PPARGC1A: variants seen among roughly 807,000 people sequenced by gnomAD.
The protein encoded by PPARGC1A is peroxisome proliferator-activated receptor gamma coactivator 1-alpha.
In PPARGC1A, 25 loss-of-function variants were observed where a neutral mutation model predicts 88.7. The ratio of observed to expected loss-of-function variants is 0.28; its 90% CI spans 0.21 to 0.39. The LOEUF is 0.39. PPARGC1A is among the 10% of genes least tolerant of loss of function. The pLI is 1.00. For synonymous variants in PPARGC1A, 363 were observed against 355.6 expected (o/e 1.02, Z -0.24); for missense variants, 880 against 968.7 (o/e 0.91, Z 1.22).
At chr4:24,021,904 G>A in the PPARGC1A span, among the ~76,000 whole-genome samples, 1 of 152,344 alleles carries the variant, frequency 6.6e-6, no homozygotes, top group Admixed American at 6.5e-5. Context: ...GCAGAATGGA[G>A]CAGAGAGGTC....
intron 10 of PPARGC1A, among the ~76,000 whole-genome samples, chr4:23,808,250 C>CAAAAAAAAAAAAAA: frequency 1.1e-5 from 1 of 93,830 alleles, no homozygotes; most frequent in South Asian, 3.8e-4. Context: ...GACTCCATCT[C>CAAAAAAAAAAAAAA]AAAAAAAAAA....
chr4:24,207,066 C>T, the PPARGC1A span, among the ~76,000 whole-genome samples: 2 of 151,872 alleles, frequency 1.3e-5, no homozygotes, highest in Admixed American at 6.6e-5. Context: ...ACTAGTCTTG[C>T]TCTCAAATTT....
Position 23,828,380 on chromosome 4 carries a change from C to A in PPARGC1A, c.757+20G>T, listed in dbSNP as rs966162811. Reference sequence around the variant, plus strand: ...GCTTCCAGTGCCCTCACCAACAGCTCGTTTTGGTCCCCAGCCTACCTTGTA... The same window carrying A: ...GCTTCCAGTGCCCTCACCAACAGCTAGTTTTGGTCCCCAGCCTACCTTGTA... On this transcript the variant is annotated intron_variant, in intron 5 of 12. Coordinates refer to ENST00000264867, the MANE Select transcript of PPARGC1A (RefSeq NM_013261.5). 1 of 1,601,128 alleles carries A rather than the reference C, an allele frequency of 6.2e-7. No homozygotes were observed. Among genetic ancestry groups the A allele is most frequent in the South Asian group, 1.1e-5 (1 of 90,810 alleles).
intron 12 of PPARGC1A, 49 bp downstream of exon 12, chr4:23,801,681 T>G: frequency 2.5e-6 from 4 of 1,599,074 alleles, no homozygotes; most frequent in Non-Finnish European, 3.4e-6. Context: ...GTTCCCATCT[T>G]GAGCTCTACA....
the PPARGC1A span, among the ~76,000 whole-genome samples, chr4:24,123,094 C>T: frequency 2.6e-5 from 4 of 152,158 alleles, no homozygotes; most frequent in Non-Finnish European, 5.9e-5. Flanking sequence ...TAGGTCCCCA[C>T]TTGTCAAGTA....
chr4:24,035,772 T>C, the PPARGC1A span, among the ~76,000 whole-genome samples: 1 of 152,148 alleles, frequency 6.6e-6, no homozygotes, highest in Non-Finnish European at 1.5e-5. Flanking sequence ...CTGGCGTTTA[T>C]ATAGATGCAA....
chr4:24,235,944 T>C, the PPARGC1A span, among the ~76,000 whole-genome samples: 1 of 152,104 alleles, frequency 6.6e-6, no homozygotes. Context: ...CAGAGGTGTG[T>C]TTTCCTTCAT....
the PPARGC1A span, among the ~76,000 whole-genome samples, chr4:24,037,375 G>A: frequency 1.3e-5 from 2 of 152,114 alleles, no homozygotes; most frequent in Admixed American, 6.6e-5. Flanking sequence ...GAATTTTACA[G>A]TCATTAATTA....
At chr4:24,468,725 T>C in the PPARGC1A span, among the ~76,000 whole-genome samples, 2 of 152,192 alleles carry the variant, frequency 1.3e-5, no homozygotes, top group Non-Finnish European at 2.9e-5. Context: ...ACACCCTCAT[T>C]GTTTCCAATT....
At chr4:23,907,064 C>T (rs1720130096), upstream of PPARGC1A, among the ~76,000 whole-genome samples, 1 of 152,166 alleles carries the variant, frequency 6.6e-6, no homozygotes, top group African/African-American at 2.4e-5. Context: ...AAGTAAATGG[C>T]CCAGAACACA....
chr4:23,952,607 T>C, the PPARGC1A span, among the ~76,000 whole-genome samples: 1 of 152,116 alleles, frequency 6.6e-6, no homozygotes, highest in Admixed American at 6.6e-5. Context: ...AGTCCAGAGA[T>C]ATATCCAGGT....
chr4:23,820,205 T>G (rs1430554640), intron 7 of PPARGC1A, among the ~76,000 whole-genome samples: 1 of 152,032 alleles, frequency 6.6e-6, no homozygotes, highest in Non-Finnish European at 1.5e-5. Flanking sequence ...ATAAATAACA[T>G]CAAATCACAT....
the PPARGC1A span, among the ~76,000 whole-genome samples, chr4:23,943,408 T>C: frequency 6.9e-6 from 1 of 145,134 alleles, no homozygotes; most frequent in East Asian, 2.1e-4. Context: ...TCTAAATACA[T>C]ACCCCTTGGC....
the PPARGC1A span, among the ~76,000 whole-genome samples, chr4:24,468,943 G>C: frequency 6.6e-6 from 1 of 151,418 alleles, no homozygotes; most frequent in Non-Finnish European, 1.5e-5. Context: ...TAGATGTTGA[G>C]AGCACATCAT....
chr4:23,875,650 T>C (rs902681831), intron 2 of PPARGC1A: 1 of 152,020 alleles, frequency 6.6e-6, no homozygotes, highest in African/African-American at 2.4e-5. Flanking sequence ...AGCCTTCTTC[T>C]CTTTTATCAC....
chr4:24,016,728 A>G, the PPARGC1A span, among the ~76,000 whole-genome samples: 1 of 152,160 alleles, frequency 6.6e-6, no homozygotes, highest in African/African-American at 2.4e-5. Flanking sequence ...TTGAGATAAA[A>G]TTTGTTTATT....
the PPARGC1A span, among the ~76,000 whole-genome samples, chr4:23,913,025 T>C: frequency 6.7e-6 from 1 of 148,806 alleles, no homozygotes; most frequent in East Asian, 2.0e-4. Context: ...CAGGATGGTC[T>C]CAATCTCCTG....
At chr4:24,339,863 C>T in the PPARGC1A span, among the ~76,000 whole-genome samples, 101 of 152,160 alleles carry the variant, frequency 6.6e-4, 1 homozygote, top group Middle Eastern at 0.01. Context: ...CTCAGCCTCC[C>T]GAGTAGCTGG....
At chr4:24,457,669 C>T in the PPARGC1A span, among the ~76,000 whole-genome samples, 9 of 152,050 alleles carry the variant, frequency 5.9e-5, no homozygotes, top group Non-Finnish European at 8.8e-5. Flanking sequence ...CTCAGCCTCC[C>T]GAGTAGCTGG....
Sources: gnomAD v4.1 joint callset for allele counts (sites outside exome capture counted in the v4.1 genomes callset) on GRCh38, gnomAD v4.1.1 for gene constraint, MANE v1.5 for transcripts, NCBI Gene and HGNC (gene_info 2026-07-23, HGNC 2026-07-21) for gene names.